Variants in PDZK1 observed in about 807,000 individuals in gnomAD.
PDZK1 encodes the protein Na(+)/H(+) exchange regulatory cofactor NHE-RF3.
PDZK1 carries 23 observed loss-of-function variants against 38.1 expected under a neutral mutation model. The ratio of observed to expected loss-of-function variants is 0.60; its 90% CI spans 0.43 to 0.85. PDZK1 has a LOEUF of 0.85. PDZK1 is among the 40% of genes least tolerant of loss of function. The pLI is 0.00. For missense variants in PDZK1, 297 were observed against 504.3 expected, an observed-to-expected ratio of 0.59 and a Z score of 3.94; for synonymous variants, 98 against 186.2, an observed-to-expected ratio of 0.53 and a Z score of 3.86.
chr1:145,693,637 G>T (rs2101918724), intron 1 of PDZK1, among the ~76,000 whole-genome samples: 1 of 152,160 alleles, frequency 6.6e-6, no homozygotes, highest in Non-Finnish European at 1.5e-5. Context: ...AGCCGGGCGT[G>T]GTGGCGGGCG....
chr1:145,704,420 A>G (rs782401856), intron 1 of PDZK1, among the ~76,000 whole-genome samples: 15 of 152,186 alleles, frequency 9.9e-5, no homozygotes, highest in Non-Finnish European at 1.9e-4. Context: ...AACTCCTGCC[A>G]TTCCCTGGGT....
chr1:145,701,011 C>A (rs1319836197), intron 1 of PDZK1, among the ~76,000 whole-genome samples: 1 of 152,000 alleles, frequency 6.6e-6, no homozygotes, highest in Non-Finnish European at 1.5e-5. Flanking sequence ...TTGAGACCAG[C>A]CTGACCAATA....
At position 145,684,450 on chromosome 1, in the gene PDZK1, T is replaced by C. The variant is rs1340819897; in HGVS notation, c.461-1814A>G. Reference sequence around the variant, plus strand: ...GTCTCGATCTCCTGACCTCATGATCTGCCCGCCTCGGCCTCCCAAAGTGCT... The same window carrying C: ...GTCTCGATCTCCTGACCTCATGATCCGCCCGCCTCGGCCTCCCAAAGTGCT... On this transcript the variant is annotated intron_variant, in intron 3 of 8. Coordinates refer to ENST00000417171, the MANE Select transcript of PDZK1 (RefSeq NM_001201325.2). Among the ~76,000 whole-genome samples the C allele has an allele frequency of 1.9e-3, 286 of 150,904 alleles. 1 individual carries two copies. Among genetic ancestry groups the C allele is most frequent in the Middle Eastern group, 0.014 (4 of 290 alleles).
At chr1:145,672,358 G>A (rs1459211174) in intron 8 of PDZK1, among the ~76,000 whole-genome samples, 1 of 150,192 alleles carries the variant, frequency 6.7e-6, no homozygotes, top group Non-Finnish European at 1.5e-5. Flanking sequence ...TGTTTTATGG[G>A]TGGGAAAACT....
chr1:145,681,515 C>T (rs1216503949), intron 4 of PDZK1, among the ~76,000 whole-genome samples: 8 of 149,288 alleles, frequency 5.4e-5, no homozygotes, highest in Non-Finnish European at 1.2e-4. Context: ...GTCTCGATCT[C>T]CTGACCTCGT....
chr1:145,700,205 T>G (rs1386472713), intron 1 of PDZK1, among the ~76,000 whole-genome samples: 2 of 152,178 alleles, frequency 1.3e-5, no homozygotes, highest in African/African-American at 4.8e-5. Context: ...TGCTGAAAAG[T>G]CAGGGCTGGA....
rs377667008 is a variant in PDZK1, at chr1:145,671,389, C to A, written c.*47G>T. 1.0e-3 allele frequency: 1,668 copies of A among 1,605,610 alleles called. 2 individuals carry two copies. The highest frequency in any genetic ancestry group is 1.4e-3 in the Non-Finnish European group (1,620 of 1,176,062). ...TTGAGAAAGGATTCCTATTAAATAC[C>A]CAGAAACAGCTATCAAATAAACAGC... On this transcript the variant is annotated 3_prime_UTR_variant, in exon 9 of 9. Coordinates refer to ENST00000417171, the MANE Select transcript of PDZK1 (RefSeq NM_001201325.2).
intron 1 of PDZK1, among the ~76,000 whole-genome samples, chr1:145,699,040 C>A (rs190648098): frequency 6.6e-6 from 1 of 152,132 alleles, no homozygotes; most frequent in East Asian, 1.9e-4. Flanking sequence ...GAGTTTGAGA[C>A]CAGCGTGGCC....
intron 6 of PDZK1, among the ~76,000 whole-genome samples, chr1:145,674,970 T>A (rs1479380918): frequency 6.6e-6 from 1 of 152,146 alleles, no homozygotes; most frequent in Non-Finnish European, 1.5e-5. Flanking sequence ...TGGTCACATA[T>A]TGTAACAAAA....
At chr1:145,695,064 G>A (rs909458984) in intron 1 of PDZK1, among the ~76,000 whole-genome samples, 1 of 152,024 alleles carries the variant, frequency 6.6e-6, no homozygotes, top group Non-Finnish European at 1.5e-5. Flanking sequence ...TTCAACAAGT[G>A]CAGAAGAAGG....
intron 1 of PDZK1, among the ~76,000 whole-genome samples, chr1:145,694,967 G>GT (rs1219078906): frequency 6.6e-6 from 1 of 150,994 alleles, no homozygotes; most frequent in Non-Finnish European, 1.5e-5. Context: ...TATAAGTGAG[G>GT]TAAGACCTAC....
intron 1 of PDZK1, among the ~76,000 whole-genome samples, chr1:145,701,709 A>G (rs1301730457): frequency 6.6e-6 from 1 of 152,182 alleles, no homozygotes; most frequent in Non-Finnish European, 1.5e-5. Context: ...CCTGCCACAG[A>G]GCCTTGGCAC....
intron 1 of PDZK1, among the ~76,000 whole-genome samples, chr1:145,703,221 T>C (rs1474119112): frequency 6.6e-6 from 1 of 152,214 alleles, no homozygotes; most frequent in Non-Finnish European, 1.5e-5. Flanking sequence ...ACAAGTTCTA[T>C]GTAATACCTA....
At chr1:145,699,243 A>T (rs587764043) in intron 1 of PDZK1, among the ~76,000 whole-genome samples, 319 of 151,476 alleles carry the variant, frequency 2.1e-3, no homozygotes, top group Middle Eastern at 6.8e-3. Context: ...TCTCAAATTT[A>T]AAAAAAAATA....
intron 1 of PDZK1, among the ~76,000 whole-genome samples, chr1:145,698,213 G>T (rs782294960): frequency 6.6e-6 from 1 of 152,102 alleles, no homozygotes; most frequent in African/African-American, 2.4e-5. Flanking sequence ...GTGGCCGAGA[G>T]GGGACGGAGG....
At chr1:145,703,367 C>T (rs192654591) in intron 1 of PDZK1, among the ~76,000 whole-genome samples, 48 of 152,148 alleles carry the variant, frequency 3.2e-4, no homozygotes, top group Admixed American at 1.1e-3. Flanking sequence ...AATACAAAAG[C>T]TTTCTTATTG....
At chr1:145,693,187 CA>C (rs1271380135) in intron 1 of PDZK1, among the ~76,000 whole-genome samples, 1 of 152,232 alleles carries the variant, frequency 6.6e-6, no homozygotes, top group East Asian at 1.9e-4. Context: ...CACCCATGCC[CA>C]AAGGCTCCAG....
rs782625283 is a variant in PDZK1, at chr1:145,686,661, A to G, written c.276T>C (p.Tyr92=). The G allele has an allele frequency of 1.8e-5, 29 of 1,585,234 alleles. No individual in the cohort carries two copies. Among genetic ancestry groups the G allele is most frequent in the Admixed American group, 1.7e-5 (1 of 57,926 alleles). ...CCACCCGTGTTTTCACTGCTTTCTC[A>G]TAGGAATCCCCATCCAGAACTAGTA... is the stretch of plus-strand genomic sequence containing the variant. ...VTLLVLDGDS[Y]EKAVKTRVDL... Residue 92 remains tyrosine (Y), a synonymous_variant, in exon 3 of 9, where the codon TAT becomes TAC. Transcript: ENST00000417171.
intron 1 of PDZK1, among the ~76,000 whole-genome samples, chr1:145,702,612 G>A (rs587699191): frequency 6.7e-4 from 102 of 152,128 alleles, no homozygotes; most frequent in Admixed American, 1.7e-3. Flanking sequence ...AAAGAAGCTC[G>A]GCCGGGTGCA....
Sources: gnomAD v4.1 joint callset for allele counts (sites outside exome capture counted in the v4.1 genomes callset) on GRCh38, gnomAD v4.1.1 for gene constraint, MANE v1.5 for transcripts, NCBI Gene and HGNC (gene_info 2026-07-23, HGNC 2026-07-21) for gene names.